SLC43A2: variants seen among roughly 807,000 people sequenced by gnomAD.
SLC43A2 encodes the protein solute carrier family 43 member 2, also known as large neutral amino acids transporter small subunit 4.
A neutral mutation model predicts 63.2 loss-of-function variants in SLC43A2; 38 were observed. The observed-to-expected ratio is 0.60, with a 90% CI of 0.46 to 0.79. The LOEUF (loss-of-function observed/expected upper bound fraction) is 0.79. Among genes scored for constraint, SLC43A2 ranks in the 30% least tolerant of loss-of-function variants. The pLI is 0.00. For missense variants in SLC43A2, 644 were observed against 756.2 expected (o/e 0.85, Z 1.74); for synonymous variants, 322 against 331.0 (o/e 0.97, Z 0.30).
rs1015976120 is a variant in SLC43A2, at chr17:1,583,478, C to T, written c.1218-142G>A. The T allele has an allele frequency of 1.7e-5, 24 of 1,420,238 alleles. No homozygotes were observed. Among genetic ancestry groups the T allele is most frequent in the Middle Eastern group, 2.6e-4 (1 of 3,886 alleles). The allele number at this position is 1,420,238 out of a possible 1,614,324, so 88.0% of individuals were successfully genotyped here. Reference sequence around the variant, plus strand: ...CCCAGGCACGTTTTAGGGACTGTGTCGGGGCTGGACCAGCACTACGGACAC... The same window carrying T: ...CCCAGGCACGTTTTAGGGACTGTGTTGGGGCTGGACCAGCACTACGGACAC... On this transcript the variant is annotated intron_variant, in intron 10 of 13. Coordinates refer to ENST00000301335, the MANE Select transcript of SLC43A2 (RefSeq NM_152346.3). The surrounding 1 kb of genome is among the most constrained non-coding windows in gnomAD (Gnocchi z 5.5).
At chr17:1,600,152 A>ATATATTTT (rs1216616243) in intron 5 of SLC43A2, among the ~76,000 whole-genome samples, 12 of 60,280 alleles carry the variant, frequency 2.0e-4, no homozygotes, top group Admixed American at 3.3e-4. Flanking sequence ...ATATATATAT[A>ATATATTTT]TTTTTTTTTT....
Position 1,603,081 on chromosome 17 carries a change from A to C in SLC43A2, c.502-9802T>G, listed in dbSNP as rs1384820965. On this transcript the variant is annotated intron_variant, in intron 5 of 13. Transcript: ENST00000301335. ...GCCGAGGGTTTTAAAGATCATAAATAGGGTAGGTATTAACAATAGTTACTA... is the reference window on the plus strand; with the variant it reads ...GCCGAGGGTTTTAAAGATCATAAATCGGGTAGGTATTAACAATAGTTACTA... 7 of 152,166 alleles carry C rather than the reference A, an allele frequency of 4.6e-5. 1 individual carries two copies. The highest frequency in any genetic ancestry group is 1.7e-4 in the African/African-American group (7 of 41,474). The allele number at this position is 152,166 out of a possible 1,614,324, so 9.4% of individuals were successfully genotyped here.
At chr17:1,629,633 C>T (rs940864015), upstream of SLC43A2, among the ~76,000 whole-genome samples, 1 of 152,224 alleles carries the variant, frequency 6.6e-6, no homozygotes, top group Admixed American at 6.5e-5. Context: ...ACGCACTGCT[C>T]GGTCCTCCGG....
intron 11 of SLC43A2, among the ~76,000 whole-genome samples, chr17:1,579,992 G>GCGCGGT (rs1410192372): frequency 3.3e-5 from 5 of 151,746 alleles, no homozygotes; most frequent in Admixed American, 6.6e-5. Context: ...GAATGCAGTG[G>GCGCGGT]CACGGCTCAC....
At chr17:1,627,360 G>C (rs1349211623) in intron 2 of SLC43A2, among the ~76,000 whole-genome samples, 2 of 152,142 alleles carry the variant, frequency 1.3e-5, no homozygotes, top group African/African-American at 4.8e-5. Flanking sequence ...ACAGCAACAT[G>C]TTTACTACCA....
At chr17:1,609,538 T>C (rs1906910343) in intron 5 of SLC43A2, among the ~76,000 whole-genome samples, 1 of 152,180 alleles carries the variant, frequency 6.6e-6, no homozygotes, top group Admixed American at 6.5e-5. Flanking sequence ...ACAGTACATA[T>C]TAAATTTTAA....
rs1042111509 is a variant in SLC43A2, at chr17:1,591,477, G to A, written c.729-6C>T. ...AGCTGAACTTGATCTTCACCCTGGGGCCCCGGGAGAGTGTCTGTGGGTGCT... is the reference window on the plus strand; with the variant it reads ...AGCTGAACTTGATCTTCACCCTGGGACCCCGGGAGAGTGTCTGTGGGTGCT... On this transcript the variant is annotated splice_polypyrimidine_tract_variant and splice_region_variant and intron_variant, in intron 7 of 13. Transcript: ENST00000301335. The A allele has an allele frequency of 1.9e-6, 3 of 1,612,646 alleles. No homozygotes were observed. The highest frequency in any genetic ancestry group is 2.7e-5 in the African/African-American group (2 of 74,860).
At position 1,575,549 on chromosome 17, in the gene SLC43A2, CA is replaced by C; in HGVS notation, c.*54del. On this transcript the variant is annotated 3_prime_UTR_variant, in exon 14 of 14. Coordinates refer to ENST00000301335, the MANE Select transcript of SLC43A2 (RefSeq NM_152346.3). ...CGTGGGGTACTCTGGAGGGGCAGGACAGGGGTCAGTCACTGAAGCACAGGCA... is the reference window on the plus strand; with the variant it reads ...CGTGGGGTACTCTGGAGGGGCAGGACGGGGTCAGTCACTGAAGCACAGGCA... 1 of 1,610,712 alleles carries C rather than the reference CA, an allele frequency of 6.2e-7. No homozygotes were observed.
intron 11 of SLC43A2, among the ~76,000 whole-genome samples, chr17:1,580,138 G>C (rs545820243): frequency 1.3e-5 from 2 of 152,214 alleles, no homozygotes; most frequent in African/African-American, 4.8e-5. Context: ...GGCTGGTCTC[G>C]AACTCCTGAC....
At position 1,578,928 on chromosome 17, in the gene SLC43A2, TC is replaced by T. The variant is rs2075972515; in HGVS notation, c.1351-606del. On this transcript the variant is annotated intron_variant, in intron 11 of 13. Transcript: ENST00000301335. This position sits in a 1 kb window ranked among gnomAD's most constrained non-coding sequence, Gnocchi z 6.5. ...GGCCGAGGAGGTGGATCACCTGAGGTCAGGAGTTCGAAACCAGCCTGGCCAA... is the reference window on the plus strand; with the variant it reads ...GGCCGAGGAGGTGGATCACCTGAGGTAGGAGTTCGAAACCAGCCTGGCCAA... Among the ~76,000 whole-genome samples, 1 of 151,862 alleles carries T rather than the reference TC, an allele frequency of 6.6e-6. No homozygotes were observed. Among genetic ancestry groups the T allele is most frequent in the Non-Finnish European group, 1.5e-5 (1 of 67,946 alleles).
chr17:1,584,185 G>A (rs955322664), intron 10 of SLC43A2, among the ~76,000 whole-genome samples: 10 of 152,022 alleles, frequency 6.6e-5, no homozygotes, highest in East Asian at 3.9e-4. Context: ...GAGCCACCGC[G>A]CCCGGCCAAG....
chr17:1,609,271 G>A (rs1460186930), intron 5 of SLC43A2, among the ~76,000 whole-genome samples: 1 of 152,010 alleles, frequency 6.6e-6, no homozygotes, highest in Admixed American at 6.6e-5. Flanking sequence ...GCGCAATCTC[G>A]ACTCGCTGCA....
intron 1 of SLC43A2, among the ~76,000 whole-genome samples, chr17:1,628,540 G>A (rs911703746): frequency 1.3e-5 from 2 of 152,100 alleles, no homozygotes; most frequent in Admixed American, 6.5e-5. Flanking sequence ...CGAGGAGCCG[G>A]TTCAAACCGG....
intron 2 of SLC43A2, among the ~76,000 whole-genome samples, chr17:1,623,285 G>T (rs572327148): frequency 2.0e-5 from 3 of 152,202 alleles, no homozygotes; most frequent in Non-Finnish European, 4.4e-5. Flanking sequence ...GGACCTCTGT[G>T]CCAGGGTGAG....
chr17:1,608,854 T>C (rs1238783120), intron 5 of SLC43A2, among the ~76,000 whole-genome samples: 2 of 152,266 alleles, frequency 1.3e-5, no homozygotes, highest in South Asian at 2.1e-4. Context: ...TCATGGACCA[T>C]GTAGAGACCT....
In SLC43A2 at chr17:1,578,205, C is replaced by T; in HGVS notation, c.1424+45G>A. On this transcript the variant is annotated intron_variant, in intron 12 of 13. Coordinates refer to ENST00000301335, the MANE Select transcript of SLC43A2 (RefSeq NM_152346.3). The surrounding 1 kb of genome is among the most constrained non-coding windows in gnomAD (Gnocchi z 6.5). Reference sequence around the variant, plus strand: ...CACCAGCAACCTCCCCCCGGCCATTCCCACACCCTCGCCCACCAGGCCACC... The same window carrying T: ...CACCAGCAACCTCCCCCCGGCCATTTCCACACCCTCGCCCACCAGGCCACC... 1 of 1,595,686 alleles carries T rather than the reference C, an allele frequency of 6.3e-7. No homozygotes were observed. The highest frequency in any genetic ancestry group is 8.6e-7 in the Non-Finnish European group (1 of 1,165,246).
chr17:1,616,276 C>T (rs1907654152), intron 3 of SLC43A2: 1 of 447,224 alleles, frequency 2.2e-6, no homozygotes, highest in Non-Finnish European at 4.0e-6. Context: ...AATTATCATG[C>T]TTATGAACTA....
At chr17:1,579,134 G>A (rs1242115058) in intron 11 of SLC43A2, among the ~76,000 whole-genome samples, 2 of 100,404 alleles carry the variant, frequency 2.0e-5, no homozygotes, top group Non-Finnish European at 4.1e-5. Flanking sequence ...GTGAGACTCT[G>A]TCTCAAAAAA....
At chr17:1,584,300 T>C (rs1030021328) in intron 10 of SLC43A2, among the ~76,000 whole-genome samples, 2 of 152,150 alleles carry the variant, frequency 1.3e-5, no homozygotes, top group African/African-American at 4.8e-5. Context: ...TGCTCACAGA[T>C]GTGCAGGGAG....
Sources: gnomAD v4.1 joint callset for allele counts (sites outside exome capture counted in the v4.1 genomes callset) on GRCh38, gnomAD v4.1.1 for gene constraint, Gnocchi (gnomAD v3.1) non-coding constraint, MANE v1.5 for transcripts, NCBI Gene and HGNC (gene_info 2026-07-23, HGNC 2026-07-21) for gene names.